The following DOCK4 variants were observed in gnomAD, a reference collection of about 807,000 sequenced individuals.
DOCK4 encodes dedicator of cytokinesis protein 4.
DOCK4 carries 97 observed loss-of-function variants against 268.1 expected under a neutral mutation model. The observed-to-expected ratio is 0.36, with a 90% CI of 0.31 to 0.43. DOCK4 has a LOEUF of 0.43. Ranked by LOEUF, DOCK4 falls within the 20% of genes least tolerant of loss-of-function variation. DOCK4 has a pLI of 1.00. For synonymous variants in DOCK4, 954 were observed against 887.2 expected, an observed-to-expected ratio of 1.08 and a Z score of -1.34; for missense variants, 2,145 against 2,455.7, an observed-to-expected ratio of 0.87 and a Z score of 2.67.
intron 1 of DOCK4, among the ~76,000 whole-genome samples, chr7:112,072,586 T>C (rs1480079750): frequency 1.3e-5 from 2 of 152,174 alleles, no homozygotes; most frequent in South Asian, 2.1e-4. Context: ...GAGGCAGACA[T>C]GAGCAGGCCA....
chr7:112,168,341 G>A (rs145397837), intron 1 of DOCK4, among the ~76,000 whole-genome samples: 195 of 152,272 alleles, frequency 1.3e-3, no homozygotes, highest in Non-Finnish European at 2.2e-3. Flanking sequence ...TGGACATGCT[G>A]TTTGGAGCTA....
intron 7 of DOCK4, among the ~76,000 whole-genome samples, chr7:111,982,209 T>C (rs1011348159): frequency 1.3e-5 from 2 of 152,210 alleles, no homozygotes; most frequent in Non-Finnish European, 2.9e-5. Context: ...TTAAAGGTGT[T>C]CTTGGTGATG....
chr7:111,907,891 G>A (rs1397358561), intron 13 of DOCK4, among the ~76,000 whole-genome samples: 3 of 151,982 alleles, frequency 2.0e-5, no homozygotes, highest in East Asian at 3.9e-4. Context: ...ACCATGCCTG[G>A]CTAATTTTTG....
At chr7:111,788,965 C>T (rs1585989959) in intron 31 of DOCK4, 1 of 575,698 alleles carries the variant, frequency 1.7e-6, no homozygotes, top group South Asian at 2.1e-5. Context: ...GTAGCGTTTA[C>T]TGCTGCCAAA....
At chr7:112,045,459 T>G (rs1804749101) in intron 1 of DOCK4, among the ~76,000 whole-genome samples, 2 of 152,216 alleles carry the variant, frequency 1.3e-5, no homozygotes, top group African/African-American at 4.8e-5. Context: ...TAGGGAATTA[T>G]TCACTGCTAT....
At chr7:111,995,880 T>C (rs1482680186) in intron 4 of DOCK4, among the ~76,000 whole-genome samples, 1 of 152,222 alleles carries the variant, frequency 6.6e-6, no homozygotes, top group African/African-American at 2.4e-5. Flanking sequence ...AAACTGGGAT[T>C]TTAAACTAGA....
At chr7:111,883,510 T>C (rs777660873) in intron 16 of DOCK4, among the ~76,000 whole-genome samples, 64 of 152,110 alleles carry the variant, frequency 4.2e-4, no homozygotes, top group Non-Finnish European at 7.6e-4. Flanking sequence ...CCTGTAAACA[T>C]ATCTCTTATT....
intron 23 of DOCK4, among the ~76,000 whole-genome samples, chr7:111,853,045 C>T (rs1458630046): frequency 1.3e-5 from 2 of 152,148 alleles, no homozygotes; most frequent in African/African-American, 4.8e-5. Context: ...AGGAGTGACT[C>T]TCATTTACTT....
chr7:111,932,377 G>C (rs1794273209), intron 12 of DOCK4, among the ~76,000 whole-genome samples: 1 of 152,118 alleles, frequency 6.6e-6, no homozygotes, highest in Admixed American at 6.5e-5. Context: ...GCAAATGCAA[G>C]CAAATTAAGG....
intron 1 of DOCK4, among the ~76,000 whole-genome samples, chr7:112,075,035 A>C (rs1807937236): frequency 6.6e-6 from 1 of 152,116 alleles, no homozygotes; most frequent in Admixed American, 6.6e-5. Flanking sequence ...AATTCTTTAT[A>C]TTGATGTATC....
At position 112,137,658 on chromosome 7, in the gene DOCK4, T is replaced by C. The variant is rs1563121942; in HGVS notation, c.37+68444A>G. 3.9e-5 allele frequency among the ~76,000 whole-genome samples: 6 copies of C among 152,254 alleles called. No individual in the cohort carries two copies. In the South Asian group the frequency reaches 1.2e-3, roughly 32 times the overall value. ...TGCAATAAAACATAGTAAGATAATA[T>C]TTTACATAAGGTTGGCCTAACCCTT... On this transcript the variant is annotated intron_variant, in intron 1 of 52. Coordinates refer to ENST00000428084, the MANE Select transcript of DOCK4 (RefSeq NM_001363540.2).
intron 1 of DOCK4, among the ~76,000 whole-genome samples, chr7:112,137,348 T>A (rs1402569650): frequency 6.6e-6 from 1 of 152,172 alleles, no homozygotes; most frequent in African/African-American, 2.4e-5. Flanking sequence ...GCTCCTGCTA[T>A]GCGTCAAGGC....
chr7:112,037,531 T>C (rs745728717), intron 1 of DOCK4, among the ~76,000 whole-genome samples: 9 of 152,190 alleles, frequency 5.9e-5, no homozygotes, highest in Non-Finnish European at 1.0e-4. Flanking sequence ...TCTTGATCAT[T>C]ATATAAACGG....
At chr7:112,032,743 C>T (rs985129844) in intron 1 of DOCK4, among the ~76,000 whole-genome samples, 1 of 152,102 alleles carries the variant, frequency 6.6e-6, no homozygotes, top group Non-Finnish European at 1.5e-5. Context: ...AAGCCCCACA[C>T]TTGCCTTAAA....
At chr7:112,056,397 T>C (rs1433099350) in intron 1 of DOCK4, among the ~76,000 whole-genome samples, 2 of 152,134 alleles carry the variant, frequency 1.3e-5, no homozygotes, top group Non-Finnish European at 2.9e-5. Context: ...ATAACAGATA[T>C]TAAGTATATA....
Position 111,856,852 on chromosome 7 carries a change from C to G in DOCK4, c.2473+6520G>C, listed in dbSNP as rs146024946. Among the ~76,000 whole-genome samples, 311 of 152,256 alleles carry G rather than the reference C, an allele frequency of 2.0e-3. 3 individuals carry two copies. In the South Asian group the frequency reaches 0.023, roughly 11 times the overall value. On this transcript the variant is annotated intron_variant, in intron 23 of 52. Coordinates refer to ENST00000428084, the MANE Select transcript of DOCK4 (RefSeq NM_001363540.2). Reference sequence around the variant, plus strand: ...GTCCCAGGTAGTTTTTGAAAATATACTTTTACATTAGATCATCATCACAAA... The same window carrying G: ...GTCCCAGGTAGTTTTTGAAAATATAGTTTTACATTAGATCATCATCACAAA...
intron 1 of DOCK4, among the ~76,000 whole-genome samples, chr7:112,064,726 G>A (rs566753389): frequency 4.1e-4 from 63 of 152,274 alleles, no homozygotes; most frequent in African/African-American, 1.5e-3. Flanking sequence ...CAATACCTCA[G>A]AATGTGACTA....
chr7:111,942,325 C>G (rs1213363486), intron 10 of DOCK4, among the ~76,000 whole-genome samples: 2 of 152,070 alleles, frequency 1.3e-5, no homozygotes, highest in South Asian at 2.1e-4. Flanking sequence ...CTTTCTGCAG[C>G]CAGTGATGGC....
At chr7:111,984,275 A>G (rs751287056) in intron 7 of DOCK4, 31 bp downstream of exon 7, 2 of 1,582,168 alleles carry the variant, frequency 1.3e-6, no homozygotes, top group Non-Finnish European at 1.7e-6. Flanking sequence ...AATTAGCAGG[A>G]AGACTGGAAG....
Sources: gnomAD v4.1 joint callset for allele counts (sites outside exome capture counted in the v4.1 genomes callset) on GRCh38, gnomAD v4.1.1 for gene constraint, MANE v1.5 for transcripts, NCBI Gene and HGNC (gene_info 2026-07-23, HGNC 2026-07-21) for gene names.